SORCS2: variants seen among roughly 807,000 people sequenced by gnomAD.
SORCS2 encodes the protein sortilin related VPS10 domain containing receptor 2, also known as VPS10 domain-containing receptor SorCS2.
In SORCS2, 100 loss-of-function variants were observed where a neutral mutation model predicts 141.6. The observed-to-expected ratio is 0.71, with a 90% CI of 0.60 to 0.83. The LOEUF is 0.83. Among genes scored for constraint, SORCS2 ranks in the 40% least tolerant of loss-of-function variants. The pLI is 0.00. For missense variants in SORCS2, 1,646 were observed against 1,560.2 expected (o/e 1.05, Z -0.93); for synonymous variants, 789 against 676.9 (o/e 1.17, Z -2.57).
intron 1 of SORCS2, among the ~76,000 whole-genome samples, chr4:7,322,457 C>T (rs775593016): frequency 1.1e-4 from 17 of 152,232 alleles, no homozygotes; most frequent in Non-Finnish European, 1.6e-4. Flanking sequence ...TGTACCGCGT[C>T]CCGCTGCACG....
intron 18 of SORCS2, among the ~76,000 whole-genome samples, chr4:7,719,789 T>C (rs116154256): frequency 0.022 from 3,345 of 152,254 alleles, 122 homozygotes; most frequent in African/African-American, 0.077. Flanking sequence ...TGCAGTCGCA[T>C]CTGCGGAGTG....
intron 3 of SORCS2, among the ~76,000 whole-genome samples, chr4:7,593,226 G>T (rs991259112): frequency 6.6e-6 from 1 of 152,184 alleles, no homozygotes; most frequent in African/African-American, 2.4e-5. Flanking sequence ...CTTATGGCCA[G>T]TGGAGCCTCG....
intron 1 of SORCS2, among the ~76,000 whole-genome samples, chr4:7,327,317 C>T (rs942404063): frequency 6.6e-6 from 1 of 152,220 alleles, no homozygotes; most frequent in Admixed American, 6.5e-5. Context: ...TGGCGAGGCT[C>T]TGTGCTCCTC....
chr4:7,325,133 G>C (rs944767712), intron 1 of SORCS2, among the ~76,000 whole-genome samples: 1 of 152,210 alleles, frequency 6.6e-6, no homozygotes, highest in Non-Finnish European at 1.5e-5. Flanking sequence ...GGCCCCCTTG[G>C]GTGGGGCGGG....
At chr4:7,518,021 G>A (rs1461300406) in intron 2 of SORCS2, among the ~76,000 whole-genome samples, 1 of 152,236 alleles carries the variant, frequency 6.6e-6, no homozygotes, top group Non-Finnish European at 1.5e-5. Context: ...ACACAGGTCT[G>A]TGTGTGCCTT....
At chr4:7,537,750 G>A (rs1215737365) in intron 3 of SORCS2, among the ~76,000 whole-genome samples, 1 of 152,182 alleles carries the variant, frequency 6.6e-6, no homozygotes, top group Non-Finnish European at 1.5e-5. Flanking sequence ...TCTCACACCT[G>A]TGATCCCAGC....
rs1418160238 is a variant in SORCS2, at chr4:7,697,197, G to C, written c.1592-1G>C. 6.3e-7 allele frequency: 1 copy of C among 1,577,802 alleles called. No homozygotes were observed. The highest frequency in any genetic ancestry group is 8.6e-7 in the Non-Finnish European group (1 of 1,161,638). On this transcript the variant is annotated splice_acceptor_variant, in intron 11 of 26. Transcript: ENST00000507866. LOFTEE classifies it high-confidence loss of function. Reference sequence around the variant, plus strand: ...GTACTGCCCCTTTTCTTTTGGACCAGGTAACCTGGGCTCACAGCTGGTGGA... The same window carrying C: ...GTACTGCCCCTTTTCTTTTGGACCACGTAACCTGGGCTCACAGCTGGTGGA...
chr4:7,390,815 C>A (rs559040027), intron 1 of SORCS2, among the ~76,000 whole-genome samples: 14 of 152,276 alleles, frequency 9.2e-5, no homozygotes, highest in Admixed American at 7.2e-4. Flanking sequence ...ACTCCCAGGG[C>A]ATGTTATTAG....
chr4:7,330,804 C>T (rs1203708101), intron 1 of SORCS2, among the ~76,000 whole-genome samples: 1 of 151,866 alleles, frequency 6.6e-6, no homozygotes, highest in Non-Finnish European at 1.5e-5. Context: ...TCAGTGAACG[C>T]TTGGCAAGCT....
At chr4:7,243,023 C>G (rs1012767701) in intron 1 of SORCS2, among the ~76,000 whole-genome samples, 1 of 151,442 alleles carries the variant, frequency 6.6e-6, no homozygotes, top group East Asian at 1.9e-4. Flanking sequence ...TCCTTGAGTG[C>G]GTCATTGGCT....
chr4:7,572,660 C>G (rs1489841494), intron 3 of SORCS2, among the ~76,000 whole-genome samples: 2 of 152,176 alleles, frequency 1.3e-5, no homozygotes, highest in African/African-American at 4.8e-5. Flanking sequence ...CCATCACTTC[C>G]TAAATCATCA....
At chr4:7,613,230 C>A (rs1018700175) in intron 3 of SORCS2, among the ~76,000 whole-genome samples, 1 of 152,240 alleles carries the variant, frequency 6.6e-6, no homozygotes, top group Non-Finnish European at 1.5e-5. Flanking sequence ...CTGGTTCCCA[C>A]TGAGAAATTA....
chr4:7,203,485 C>T (rs1311174068), intron 1 of SORCS2, among the ~76,000 whole-genome samples: 2 of 147,002 alleles, frequency 1.4e-5, no homozygotes, highest in Non-Finnish European at 3.0e-5. Context: ...TGCCACTGCA[C>T]TCTGGCCTGG....
At chr4:7,715,427 G>C (rs1726128133) in intron 17 of SORCS2, 116 bp downstream of exon 17, 1 of 1,448,530 alleles carries the variant, frequency 6.9e-7, no homozygotes, top group South Asian at 1.4e-5. Flanking sequence ...AGTGGAGTCG[G>C]GGAAAGAGAG....
intron 1 of SORCS2, among the ~76,000 whole-genome samples, chr4:7,322,636 C>G (rs765287732): frequency 5.9e-5 from 9 of 152,154 alleles, no homozygotes; most frequent in Non-Finnish European, 1.2e-4. Flanking sequence ...CCGGGACAGC[C>G]CAACCCCCTT....
intron 1 of SORCS2, among the ~76,000 whole-genome samples, chr4:7,322,571 TCA>T (rs1330816612): frequency 1.3e-5 from 2 of 152,240 alleles, no homozygotes; most frequent in South Asian, 4.1e-4. Flanking sequence ...GTTGATTGAC[TCA>T]CACAGAACAG....
intron 1 of SORCS2, among the ~76,000 whole-genome samples, chr4:7,271,261 A>G (rs1011295731): frequency 3.6e-4 from 55 of 152,174 alleles, no homozygotes; most frequent in African/African-American, 1.3e-3. Context: ...ACCACTCCCC[A>G]CTGCTCTCAG....
Position 7,689,571 on chromosome 4 carries a change from G to C in SORCS2, c.1574G>C (p.Gly525Ala), listed in dbSNP as rs1201173947. ...GTVHTKDTAP[G>A]LIMGAGNLGS... ...GTGCACACCAAGGACACCGCCCCAG[G>C]CCTCATCATGGGTGCAGGTAGGTGG... is the stretch of plus-strand genomic sequence containing the variant. The change falls in exon 11 of 27, where the codon GGC (glycine) becomes GCC (alanine). Residue 525 changes from glycine to alanine, a missense_variant. Transcript: ENST00000507866. The C allele has an allele frequency of 2.5e-6, 4 of 1,597,902 alleles. No individual in the cohort carries two copies. The highest frequency in any genetic ancestry group is 3.4e-6 in the Non-Finnish European group (4 of 1,172,672).
At chr4:7,283,642 G>C (rs1202393672) in intron 1 of SORCS2, among the ~76,000 whole-genome samples, 1 of 152,176 alleles carries the variant, frequency 6.6e-6, no homozygotes, top group Non-Finnish European at 1.5e-5. Context: ...CTTGTGGGGT[G>C]ACATTGGGTT....
Sources: allele counts gnomAD v4.1 joint callset (sites outside exome capture counted in the v4.1 genomes callset), GRCh38; gene constraint gnomAD v4.1.1; transcripts MANE v1.5; gene names NCBI Gene and HGNC (gene_info 2026-07-23, HGNC 2026-07-21).